IGFN1: variants seen among roughly 807,000 people sequenced by gnomAD.
IGFN1 encodes immunoglobulin-like and fibronectin type III domain-containing protein 1.
In IGFN1, 253 loss-of-function variants were observed where a neutral mutation model predicts 289.5. The observed-to-expected ratio is 0.87, with a 90% confidence interval of 0.79 to 0.97. The LOEUF is 0.97. IGFN1 is among the 50% of genes least tolerant of loss of function. The probability of loss-of-function intolerance (pLI) is 0.00; values close to 1 mark genes in which losing one functional copy is unlikely to be tolerated. For missense variants in IGFN1, 4,470 were observed against 4,686.1 expected, an observed-to-expected ratio of 0.95 and a Z score of 1.35; for synonymous variants, 1,706 against 1,788.5, an observed-to-expected ratio of 0.95 and a Z score of 1.16.
In IGFN1 at chr1:201,208,280, C is replaced by T; in HGVS notation, c.3387C>T (p.Ala1129=). Residue 1129 remains alanine, a synonymous_variant, in exon 12 of 24, where the codon GCC becomes GCT. Transcript: ENST00000335211. ...CTGGAAATTATGGGGGCTTCAGAGC[C>T]TCAGAGGCCCTGGGGGCCTTTGGAG... is the stretch of plus-strand genomic sequence containing the variant. ...GQTGNYGGFR[A]SEALGAFGEG... The T allele has an allele frequency of 6.5e-7, 1 of 1,534,904 alleles. No individual in the cohort carries two copies. The highest frequency in any genetic ancestry group is 2.4e-5 in the East Asian group (1 of 40,880).
chr1:201,228,480 G>A lies in IGFN1; in HGVS notation c.*81G>A. 1 of 1,442,668 alleles carries A rather than the reference G, an allele frequency of 6.9e-7. No homozygotes were observed. The highest frequency in any genetic ancestry group is 1.7e-5 in the Admixed American group (1 of 59,696). 89.4% of individuals were successfully genotyped at this position (1,442,668 alleles called of 1,614,324 possible). A position where few individuals can be genotyped will look rare whatever the true frequency, so the allele number is the denominator to read the frequency against. On this transcript the variant is annotated 3_prime_UTR_variant, in exon 24 of 24. Transcript: ENST00000335211. ...CACTGGCCCGGGAAGCCAATCCCAA[G>A]GATGGAGGCTGTGCCCAGAGCCCCA...
chr1:201,197,216 A>C lies in IGFN1; in HGVS notation c.268-2A>C. 1 of 1,547,130 alleles carries C rather than the reference A, an allele frequency of 6.5e-7. No individual in the cohort carries two copies. ...GTTCCTCTGCCCTTGGCCTCTCTGC[A>C]GATCAACAAGCTGACAGGCGAGGAC... On this transcript the variant is annotated splice_acceptor_variant, in intron 4 of 23. Coordinates refer to ENST00000335211, the MANE Select transcript of IGFN1 (RefSeq NM_001164586.2). LOFTEE classifies it high-confidence loss of function.
chr1:201,223,829 ATAT>A (rs889641106), intron 20 of IGFN1, among the ~76,000 whole-genome samples: 3 of 152,222 alleles, frequency 2.0e-5, no homozygotes, highest in Non-Finnish European at 2.9e-5. Flanking sequence ...ATATGTTTTA[ATAT>A]TATTATTGTT....
chr1:201,207,373 G>A lies in IGFN1; in HGVS notation c.2480G>A (p.Gly827Glu), dbSNP rs565615326. The A allele has an allele frequency of 3.9e-6, 6 of 1,536,802 alleles. No homozygotes were observed. The African/African-American group carries it at 8.2e-5, about 21-fold the overall frequency. Reference sequence around the variant, plus strand: ...TGGACAGCAGGTCACAGAGCAGCAGGGGGTATTGGCAGAATAGAATCTAAG... The same window carrying A: ...TGGACAGCAGGTCACAGAGCAGCAGAGGGTATTGGCAGAATAGAATCTAAG... The part of the protein sequence containing the change: ...QGWTAGHRAA[G>E]GIGRIESKGT... Residue 827 changes from glycine to glutamate, a missense_variant, in exon 12 of 24, where the codon GGG (glycine) becomes GAG (glutamate). Around this residue, in one of 8 missense-constraint regions of IGFN1, gnomAD observed 2,011 missense variants for 1,953.4 expected, o/e 1.03. Transcript: ENST00000335211.
intron 21 of IGFN1, among the ~76,000 whole-genome samples, chr1:201,225,452 G>A (rs1459773130): frequency 6.6e-6 from 1 of 152,148 alleles, no homozygotes; most frequent in Non-Finnish European, 1.5e-5. Context: ...AATTAGCCGA[G>A]CGTGGTGGTG....
chr1:201,207,866 T>C lies in IGFN1; in HGVS notation c.2973T>C (p.Cys991=). The change falls in exon 12 of 24, where the codon TGT becomes TGC. Residue 991 remains cysteine, a synonymous_variant. Coordinates refer to ENST00000335211, the MANE Select transcript of IGFN1 (RefSeq NM_001164586.2). ...TGGGGTCCGGCCATGGTGCTGGTTGTAGAGTTTCCCCTAGGGCACCTGCGG... is the reference window on the plus strand; with the variant it reads ...TGGGGTCCGGCCATGGTGCTGGTTGCAGAGTTTCCCCTAGGGCACCTGCGG... ...GEMGSGHGAG[C]RVSPRAPAGV... is the part of the protein sequence containing the mutation. The C allele has an allele frequency of 6.5e-7, 1 of 1,536,190 alleles. No individual in the cohort carries two copies. The highest frequency in any genetic ancestry group is 2.4e-5 in the East Asian group (1 of 40,866).
chr1:201,205,967 A>C (rs1011576992), intron 11 of IGFN1, 116 bp from the exon 12 acceptor site: 3 of 748,144 alleles, frequency 4.0e-6, no homozygotes, highest in Non-Finnish European at 6.6e-6. Flanking sequence ...AGTCCAGGTC[A>C]GGCAAGCAGC....
rs1293114009 is a variant in IGFN1, at chr1:201,228,943, A to T, written c.*544A>T. 6.5e-6 allele frequency: 1 copy of T among 153,690 alleles called. No homozygotes were observed. Among genetic ancestry groups the T allele is most frequent in the African/African-American group, 2.4e-5 (1 of 41,446 alleles). The allele number at this position is 153,690 out of a possible 1,614,324, so 9.5% of individuals were successfully genotyped here. A position where few individuals can be genotyped will look rare whatever the true frequency, so the allele number is the denominator to read the frequency against. On this transcript the variant is annotated 3_prime_UTR_variant, in exon 24 of 24. Coordinates refer to ENST00000335211, the MANE Select transcript of IGFN1 (RefSeq NM_001164586.2). ...CGTTTCTTCATTAAAACATTAGGCT[A>T]ATACAGGCAGATCATTGGCAAATTT...
intron 10 of IGFN1, among the ~76,000 whole-genome samples, chr1:201,204,293 G>A (rs1396018173): frequency 2.0e-5 from 3 of 152,144 alleles, no homozygotes; most frequent in East Asian, 1.9e-4. Flanking sequence ...TCTGGGTTAG[G>A]CATCCTCACG....
At chr1:201,197,173 A>C in intron 4 of IGFN1, 45 bp from the exon 5 acceptor site, 1 of 1,178,504 alleles carries the variant, frequency 8.5e-7, no homozygotes, top group Non-Finnish European at 1.2e-6. Flanking sequence ...AAATGGAGGA[A>C]GGGGATGTGG....
intron 9 of IGFN1, among the ~76,000 whole-genome samples, chr1:201,202,219 C>T (rs1157982276): frequency 6.6e-6 from 1 of 152,136 alleles, no homozygotes; most frequent in African/African-American, 2.4e-5. Context: ...CAGATGGGGG[C>T]AGAGGCAGGT....
At chr1:201,221,135 AAT>A (rs572176543) in intron 18 of IGFN1, among the ~76,000 whole-genome samples, 21 of 152,294 alleles carry the variant, frequency 1.4e-4, no homozygotes, top group African/African-American at 4.8e-4. Flanking sequence ...CATCAACTAA[AAT>A]ATCAGTTTTC....
chr1:201,222,880 C>G, intron 20 of IGFN1, 53 bp downstream of exon 20: 1 of 1,258,488 alleles, frequency 7.9e-7, no homozygotes, highest in Non-Finnish European at 1.2e-6. Flanking sequence ...GCCAAGGGGG[C>G]CAGACTCAGC....
In IGFN1 at chr1:201,211,742, G is replaced by A. The variant is rs979884850; in HGVS notation, c.6849G>A (p.Glu2283=). Residue 2283 remains glutamate, a synonymous_variant, in exon 12 of 24, where the codon GAG becomes GAA. Coordinates refer to ENST00000335211, the MANE Select transcript of IGFN1 (RefSeq NM_001164586.2). ...GSSGKISSGD[E]AGYKNVLGGS... ...CTGGAAAAATCAGTTCAGGGGATGAGGCAGGTTATAAGAATGTTTTAGGGG... is the reference window on the plus strand; with the variant it reads ...CTGGAAAAATCAGTTCAGGGGATGAAGCAGGTTATAAGAATGTTTTAGGGG... The A allele has an allele frequency of 3.9e-6, 6 of 1,536,794 alleles. No homozygotes were observed. The highest frequency in any genetic ancestry group is 1.4e-5 in the African/African-American group (1 of 72,968).
At chr1:201,203,446 C>T (rs1667248671) in intron 9 of IGFN1, among the ~76,000 whole-genome samples, 2 of 152,230 alleles carry the variant, frequency 1.3e-5, no homozygotes, top group African/African-American at 4.8e-5. Flanking sequence ...ACTCTACTCA[C>T]AGCCTGAGCT....
At chr1:201,200,214 G>T in intron 7 of IGFN1, 23 bp from the exon 8 acceptor site, 2 of 1,546,120 alleles carry the variant, frequency 1.3e-6, no homozygotes, top group South Asian at 2.4e-5. Context: ...TCTGGCCTCT[G>T]ACCTGCTAGC....
At position 201,212,424 on chromosome 1, in the gene IGFN1, G is replaced by C; in HGVS notation, c.7531G>C (p.Val2511Leu). 1 of 1,537,138 alleles carries C rather than the reference G, an allele frequency of 6.5e-7. No individual in the cohort carries two copies. The highest frequency in any genetic ancestry group is 8.7e-7 in the Non-Finnish European group (1 of 1,146,814). The change falls in exon 12 of 24, where the codon GTG (valine) becomes CTG (leucine). Residue 2511 changes from valine to leucine, a missense_variant. Val to Leu is a conservative substitution (Grantham distance 32). This residue lies in a region of IGFN1 where 2,218 missense variants were observed against 2,114.1 expected (regional missense o/e 1.05). Transcript: ENST00000335211. ...GSSRDRGAPR[V>L]KDRSPDQAGI... ...TTCTAGAGACAGAGGGGCTCCCAGG[G>C]TGAAGGATAGGTCTCCAGACCAAGC... is the stretch of plus-strand genomic sequence containing the variant.
rs370813251 is a variant in IGFN1, at chr1:201,213,184, G to A, written c.8291G>A (p.Arg2764Gln). The change falls in exon 12 of 24, where the codon CGA becomes CAA. Residue 2764 changes from arginine (R) to glutamine (Q), a missense_variant. This residue lies in a region of IGFN1 where 2,218 missense variants were observed against 2,114.1 expected (regional missense o/e 1.05). Coordinates refer to ENST00000335211, the MANE Select transcript of IGFN1 (RefSeq NM_001164586.2). Reference sequence around the variant, plus strand: ...GGGACCCAGGACCTGAGCTCTCAGCGAGGCAAGGGACAGAGAGGAGGAAAG... The same window carrying A: ...GGGACCCAGGACCTGAGCTCTCAGCAAGGCAAGGGACAGAGAGGAGGAAAG... ...SGGTQDLSSQ[R>Q]GKGQRGGKRS... 5.9e-5 allele frequency: 91 copies of A among 1,551,562 alleles called. No individual in the cohort carries two copies. In the Middle Eastern group the frequency reaches 1.7e-3, roughly 28 times the overall value.
rs1654052420 is a variant in IGFN1, at chr1:201,225,894, A to G, written c.10557A>G (p.Glu3519=). ...CTGGGACGGTGACGGCCGAGTGGGA[A>G]CCCTCTCCTGACGAGGCCCAGGATG... is the stretch of plus-strand genomic sequence containing the variant. ...NVPGTVTAEW[E]PSPDEAQDVP... The change falls in exon 22 of 24, where the codon GAA becomes GAG. Residue 3519 remains glutamate, a synonymous_variant. Coordinates refer to ENST00000335211, the MANE Select transcript of IGFN1 (RefSeq NM_001164586.2). The G allele has an allele frequency of 2.5e-6, 4 of 1,612,428 alleles. No individual in the cohort carries two copies. Among genetic ancestry groups the G allele is most frequent in the Non-Finnish European group, 3.4e-6 (4 of 1,179,406 alleles).
Sources: allele counts gnomAD v4.1 joint callset (sites outside exome capture counted in the v4.1 genomes callset), GRCh38; gene constraint gnomAD v4.1.1; regional missense constraint gnomAD v4.1.1; transcripts MANE v1.5; gene names NCBI Gene and HGNC (gene_info 2026-07-23, HGNC 2026-07-21).